Variants in STK32B observed in about 807,000 individuals in gnomAD.
The protein encoded by STK32B is serine/threonine-protein kinase 32B.
STK32B carries 43 observed loss-of-function variants against 52.6 expected under a neutral mutation model. The observed-to-expected ratio is 0.82, with a 90% CI of 0.64 to 1.05. The LOEUF is 1.05. Ranked by LOEUF, STK32B falls within the 50% of genes least tolerant of loss-of-function variation. STK32B has a pLI of 0.00. For synonymous variants in STK32B, 238 were observed against 204.3 expected (o/e 1.17, Z -1.41); for missense variants, 621 against 534.6 (o/e 1.16, Z -1.59).
intron 2 of STK32B, among the ~76,000 whole-genome samples, chr4:5,147,902 G>T (rs376439975): frequency 6.6e-6 from 1 of 151,622 alleles, no homozygotes; most frequent in Non-Finnish European, 1.5e-5. Flanking sequence ...TTGTTTTCAG[G>T]GTTATAGTAG....
chr4:5,170,337 T>C (rs946604929), intron 3 of STK32B, among the ~76,000 whole-genome samples: 2 of 152,130 alleles, frequency 1.3e-5, no homozygotes, highest in Non-Finnish European at 2.9e-5. Flanking sequence ...ACTTTAAGTT[T>C]TAGGGTACAT....
At chr4:5,228,390 C>T (rs562954396) in intron 3 of STK32B, among the ~76,000 whole-genome samples, 3 of 152,196 alleles carry the variant, frequency 2.0e-5, no homozygotes, top group South Asian at 2.1e-4. Context: ...TGACTTTTCA[C>T]GCAACAGGGA....
At chr4:5,275,298 G>A (rs138273797) in intron 3 of STK32B, among the ~76,000 whole-genome samples, 2 of 152,306 alleles carry the variant, frequency 1.3e-5, no homozygotes, top group East Asian at 1.9e-4. Context: ...GAGATAGAAC[G>A]AATTGATTTT....
chr4:5,094,013 C>A (rs1049384141), intron 1 of STK32B, among the ~76,000 whole-genome samples: 1 of 152,136 alleles, frequency 6.6e-6, no homozygotes, highest in Non-Finnish European at 1.5e-5. Context: ...AATGAATCCA[C>A]GATAAAGACC....
chr4:5,469,829 G>A lies in STK32B; in HGVS notation c.1106+1759G>A, dbSNP rs979929514. On this transcript the variant is annotated intron_variant, in intron 11 of 11. Coordinates refer to ENST00000282908, the MANE Select transcript of STK32B (RefSeq NM_018401.3). The surrounding 1 kb of genome is among the most constrained non-coding windows in gnomAD (Gnocchi z 4.7). The stretch of plus-strand genomic sequence containing the variant: ...GAAGACGGGGGCTGATGTCGTGAGT[G>A]GTTTCGGAGCTTATCCCAATTTGCC... 1.3e-5 allele frequency among the ~76,000 whole-genome samples: 2 copies of A among 152,192 alleles called. No homozygotes were observed. Among genetic ancestry groups the A allele is most frequent in the African/African-American group, 4.8e-5 (2 of 41,450 alleles).
chr4:5,050,992 A>G (rs538624759), upstream of STK32B, among the ~76,000 whole-genome samples: 1 of 152,250 alleles, frequency 6.6e-6, no homozygotes, highest in Non-Finnish European at 1.5e-5. Context: ...TCAGATTAGT[A>G]TCTAATCTTA....
At chr4:5,155,803 G>A (rs559709014) in intron 2 of STK32B, among the ~76,000 whole-genome samples, 60 of 152,206 alleles carry the variant, frequency 3.9e-4, no homozygotes, top group Non-Finnish European at 6.3e-4. Context: ...CTGGCCAAAC[G>A]GAACTGTGAG....
chr4:5,474,123 GA>G (rs1281153998), intron 11 of STK32B, among the ~76,000 whole-genome samples: 1 of 151,690 alleles, frequency 6.6e-6, no homozygotes, highest in African/African-American at 2.4e-5. Context: ...CAAAAAAAAA[GA>G]AAAAAAATTA....
At chr4:5,046,042 C>T in the STK32B span, among the ~76,000 whole-genome samples, 74 of 152,208 alleles carry the variant, frequency 4.9e-4, no homozygotes, top group African/African-American at 1.6e-3. Flanking sequence ...TCAAAGAAGA[C>T]CCTGTATGGC....
chr4:5,426,059 G>T (rs1394576820), intron 6 of STK32B, among the ~76,000 whole-genome samples: 1 of 152,166 alleles, frequency 6.6e-6, no homozygotes, highest in Admixed American at 6.5e-5. Flanking sequence ...AGCCATTATG[G>T]ACATTTGCAT....
intron 3 of STK32B, among the ~76,000 whole-genome samples, chr4:5,227,265 A>G (rs1420251454): frequency 1.3e-5 from 2 of 152,252 alleles, no homozygotes; most frequent in East Asian, 1.9e-4. Context: ...ATGAGATTTC[A>G]TTCTCTCTCA....
chr4:5,202,422 A>G (rs572757811), intron 3 of STK32B, among the ~76,000 whole-genome samples: 1 of 152,180 alleles, frequency 6.6e-6, no homozygotes, highest in South Asian at 2.1e-4. Context: ...CAGCTTTTCC[A>G]GGTGCACAGT....
At chr4:5,055,506 G>A (rs1009662781) in intron 1 of STK32B, among the ~76,000 whole-genome samples, 4 of 152,100 alleles carry the variant, frequency 2.6e-5, no homozygotes, top group Non-Finnish European at 4.4e-5. Flanking sequence ...GTTAAAACAT[G>A]CCATGGGCCA....
At chr4:5,478,602 G>A (rs868224959) in intron 11 of STK32B, among the ~76,000 whole-genome samples, 2 of 152,156 alleles carry the variant, frequency 1.3e-5, no homozygotes, top group Admixed American at 6.5e-5. Context: ...AGAAATCTCC[G>A]GGAGACTGGA....
intron 3 of STK32B, among the ~76,000 whole-genome samples, chr4:5,326,540 T>TA (rs1731886112): frequency 2.0e-5 from 3 of 152,332 alleles, no homozygotes; most frequent in Admixed American, 2.0e-4. Context: ...AGACAGGTCT[T>TA]ATTGACATTT....
At chr4:5,148,171 A>T (rs1577106961) in intron 2 of STK32B, among the ~76,000 whole-genome samples, 2 of 151,708 alleles carry the variant, frequency 1.3e-5, no homozygotes, top group South Asian at 4.1e-4. Flanking sequence ...ATGTTGGCAA[A>T]TTTGTTGGCA....
Position 5,467,422 on chromosome 4 carries a change from T to C in STK32B, c.1042-584T>C, listed in dbSNP as rs1367572492. Among the ~76,000 whole-genome samples the C allele has an allele frequency of 6.6e-6, 1 of 152,196 alleles. No homozygotes were observed. The highest frequency in any genetic ancestry group is 2.4e-5 in the African/African-American group (1 of 41,460). On this transcript the variant is annotated intron_variant, in intron 10 of 11. Transcript: ENST00000282908. The surrounding 1 kb of genome is among the most constrained non-coding windows in gnomAD (Gnocchi z 5.8). ...TGGTTCCAGTCTCTCCCTCCGTCAC[T>C]GCATGGCCTTATTCTCTGTGTCTTC...
At chr4:5,449,233 G>C (rs4234704) in intron 7 of STK32B, among the ~76,000 whole-genome samples, 44,411 of 151,972 alleles carry the variant, frequency 0.29, 7,548 homozygotes, top group East Asian at 0.81. Context: ...ATCGCAGCTA[G>C]TCGAGAGTCT....
At chr4:5,308,809 G>C (rs898825364) in intron 3 of STK32B, among the ~76,000 whole-genome samples, 4 of 151,704 alleles carry the variant, frequency 2.6e-5, no homozygotes, top group Non-Finnish European at 4.4e-5. Flanking sequence ...ACAAGGAAAA[G>C]TATAAAGCTT....
Sources: gnomAD v4.1 joint callset for allele counts (sites outside exome capture counted in the v4.1 genomes callset) on GRCh38, gnomAD v4.1.1 for gene constraint, Gnocchi (gnomAD v3.1) non-coding constraint, MANE v1.5 for transcripts, NCBI Gene and HGNC (gene_info 2026-07-23, HGNC 2026-07-21) for gene names.